SHPRH: variants seen among roughly 807,000 people sequenced by gnomAD.
SHPRH encodes SNF2 histone linker PHD RING helicase, also known as E3 ubiquitin-protein ligase SHPRH.
A neutral mutation model predicts 202.5 loss-of-function variants in SHPRH; 106 were observed. That is an observed-to-expected ratio of 0.52 (90% CI 0.45 to 0.62). The LOEUF (loss-of-function observed/expected upper bound fraction) is 0.62. Ranked by LOEUF, SHPRH falls within the 20% of genes least tolerant of loss-of-function variation. SHPRH has a pLI of 0.00. For missense variants in SHPRH, 1,710 were observed against 2,020.0 expected, an observed-to-expected ratio of 0.85 and a Z score of 2.94; for synonymous variants, 729 against 686.0, an observed-to-expected ratio of 1.06 and a Z score of -0.98.
chr6:145,893,092 T>C, intron 28 of SHPRH, 123 bp downstream of exon 28: 3 of 621,942 alleles, frequency 4.8e-6, no homozygotes, highest in Non-Finnish European at 7.0e-6. Context: ...TTAAAAAATG[T>C]AGTATCTAAG....
At chr6:145,961,008 A>T (rs1040515681) in intron 1 of SHPRH, among the ~76,000 whole-genome samples, 1 of 151,766 alleles carries the variant, frequency 6.6e-6, no homozygotes, top group Non-Finnish European at 1.5e-5. Context: ...CTCTTATGGT[A>T]ATCTACTGAC....
In SHPRH at chr6:145,953,176, A is replaced by G. The variant is rs957163253; in HGVS notation, c.634-698T>C. ...TAATTCCCTTTACTTCATGTTGACT[A>G]TGTTGTACCTGACTCCCTAATCACT... On this transcript the variant is annotated intron_variant, in intron 2 of 29. Coordinates refer to ENST00000275233, the MANE Select transcript of SHPRH (RefSeq NM_001042683.3). Among the ~76,000 whole-genome samples the G allele has an allele frequency of 3.9e-5, 6 of 152,164 alleles. No individual in the cohort carries two copies. In the East Asian group the frequency reaches 1.2e-3, roughly 29 times the overall value.
chr6:145,943,038 C>A, intron 9 of SHPRH, 105 bp downstream of exon 9: 1 of 1,291,792 alleles, frequency 7.7e-7, no homozygotes, highest in South Asian at 1.5e-5. Flanking sequence ...TTAAATCATT[C>A]AGTTAGTTTT....
At chr6:145,913,423 C>A in intron 24 of SHPRH, 55 bp downstream of exon 24, 1 of 1,491,276 alleles carries the variant, frequency 6.7e-7, no homozygotes, top group South Asian at 1.2e-5. Context: ...ATGTAGAAAC[C>A]TTTGAAAACT....
intron 19 of SHPRH, 105 bp downstream of exon 19, chr6:145,922,558 T>C: frequency 7.2e-7 from 1 of 1,387,560 alleles, no homozygotes; most frequent in Non-Finnish European, 9.6e-7. Flanking sequence ...TCTGTCTCAA[T>C]TAAAATGAAA....
intron 1 of SHPRH, among the ~76,000 whole-genome samples, chr6:145,957,596 A>G (rs1788639405): frequency 6.6e-6 from 1 of 152,178 alleles, no homozygotes; most frequent in South Asian, 2.1e-4. Flanking sequence ...GCATATGAAA[A>G]TATTTTCACC....
chr6:145,899,475 A>G (rs1412398377), intron 25 of SHPRH, among the ~76,000 whole-genome samples: 1 of 152,100 alleles, frequency 6.6e-6, no homozygotes, highest in Non-Finnish European at 1.5e-5. Context: ...TGCTGAAAAA[A>G]CTAGTTATCC....
At chr6:145,875,994 A>G (rs1371928393) in intron 2 of SHPRH, among the ~76,000 whole-genome samples, 1 of 152,246 alleles carries the variant, frequency 6.6e-6, no homozygotes, top group Non-Finnish European at 1.5e-5. Flanking sequence ...AAATGTTTCA[A>G]AAATATCTTC....
intron 25 of SHPRH, chr6:145,910,242 A>G: frequency 1.9e-6 from 1 of 539,684 alleles, no homozygotes; most frequent in Non-Finnish European, 3.3e-6. Flanking sequence ...ATCGCTAACC[A>G]TGTTTGAATA....
chr6:145,888,044 G>A lies in SHPRH; in HGVS notation c.4931C>T (p.Ala1644Val). Residue 1644 changes from alanine (A) to valine (V), a missense_variant, in exon 29 of 30, where the codon GCA becomes GTA. Around this residue, in one of 8 missense-constraint regions of SHPRH, gnomAD observed 306 missense variants for 479.5 expected, o/e 0.64. Coordinates refer to ENST00000275233, the MANE Select transcript of SHPRH (RefSeq NM_001042683.3). Reference protein sequence around the residue: ...IKATIEERMQAMLKTAERSHT... With the variant: ...IKATIEERMQVMLKTAERSHT... ...CCTTCTCTCAGCAGTTTTCAGCATTGCCTGCATTCTTTCTTCTATTGTTGC... is the reference window on the plus strand; with the variant it reads ...CCTTCTCTCAGCAGTTTTCAGCATTACCTGCATTCTTTCTTCTATTGTTGC... 6.2e-7 allele frequency: 1 copy of A among 1,612,862 alleles called. No homozygotes were observed. The highest frequency in any genetic ancestry group is 2.2e-5 in the East Asian group (1 of 44,794).
chr6:145,882,277 A>C (rs1328061711), downstream of SHPRH, among the ~76,000 whole-genome samples: 1 of 152,176 alleles, frequency 6.6e-6, no homozygotes, highest in African/African-American at 2.4e-5. Flanking sequence ...AAAAAGACAG[A>C]AGTGCCTCTT....
At chr6:145,957,877 A>T (rs1166949025) in intron 1 of SHPRH, among the ~76,000 whole-genome samples, 7 of 152,222 alleles carry the variant, frequency 4.6e-5, no homozygotes, top group Non-Finnish European at 8.8e-5. Context: ...TTAAACTTGA[A>T]TGTTAACAGC....
At chr6:145,937,521 C>T (rs959723437) in intron 11 of SHPRH, among the ~76,000 whole-genome samples, 3 of 152,210 alleles carry the variant, frequency 2.0e-5, no homozygotes, top group Middle Eastern at 3.4e-3. Flanking sequence ...TCTTCTAAGC[C>T]ACTCTCCACA....
At chr6:145,879,180 TTTTA>T (rs1780438542) in intron 2 of SHPRH, among the ~76,000 whole-genome samples, 1 of 152,202 alleles carries the variant, frequency 6.6e-6, no homozygotes, top group Non-Finnish European at 1.5e-5. Context: ...GTTATCATAT[TTTTA>T]TTTATTCTAA....
chr6:145,929,682 A>G (rs184003327), intron 14 of SHPRH, among the ~76,000 whole-genome samples: 1 of 152,090 alleles, frequency 6.6e-6, no homozygotes, highest in Non-Finnish European at 1.5e-5. Flanking sequence ...TTCTCTTAAT[A>G]ATCAACAATA....
chr6:145,957,896 T>C (rs1439256630), intron 1 of SHPRH, among the ~76,000 whole-genome samples: 1 of 152,216 alleles, frequency 6.6e-6, no homozygotes, highest in African/African-American at 2.4e-5. Context: ...GCTTTACTAT[T>C]AAAAGCCCCA....
downstream of SHPRH, among the ~76,000 whole-genome samples, chr6:145,881,166 T>G (rs2128700045): frequency 1.3e-5 from 2 of 152,344 alleles, no homozygotes; most frequent in Middle Eastern, 6.8e-3. Flanking sequence ...AAAACATAGA[T>G]TTTTAGTTTT....
intron 11 of SHPRH, among the ~76,000 whole-genome samples, chr6:145,936,649 T>C (rs959532052): frequency 2.0e-5 from 3 of 151,996 alleles, no homozygotes; most frequent in Middle Eastern, 3.2e-3. Context: ...TATACTTTTA[T>C]GTACAGTTCA....
At chr6:145,922,376 T>C in intron 19 of SHPRH, 28 bp from the exon 20 acceptor site, 3 of 1,546,400 alleles carry the variant, frequency 1.9e-6, no homozygotes, top group Non-Finnish European at 2.6e-6. Flanking sequence ...AACAGAAATA[T>C]TCACAAACAT....
Sources: allele counts gnomAD v4.1 joint callset (sites outside exome capture counted in the v4.1 genomes callset), GRCh38; gene constraint gnomAD v4.1.1; regional missense constraint gnomAD v4.1.1; transcripts MANE v1.5; gene names NCBI Gene and HGNC (gene_info 2026-07-23, HGNC 2026-07-21).